Variants in KIF5C observed in about 807,000 individuals in gnomAD.
KIF5C encodes kinesin heavy chain isoform 5C.
In KIF5C, 18 loss-of-function variants were observed where a neutral mutation model predicts 125.2. The observed-to-expected ratio is 0.14, with a 90% CI of 0.10 to 0.21. KIF5C has a LOEUF of 0.21. Among genes scored for constraint, KIF5C ranks in the 10% least tolerant of loss-of-function variants. The probability of loss-of-function intolerance (pLI) is 1.00; values close to 1 mark genes in which losing one functional copy is unlikely to be tolerated. For synonymous variants in KIF5C, 405 were observed against 434.0 expected (o/e 0.93, Z 0.83); for missense variants, 780 against 1,183.8 (o/e 0.66, Z 5.01).
rs890416539 is a variant in KIF5C, at chr2:149,025,569, T to A, written c.*2499T>A. 3 of 152,228 alleles carry A rather than the reference T, an allele frequency of 2.0e-5. No individual in the cohort carries two copies. Among genetic ancestry groups the A allele is most frequent in the African/African-American group, 2.4e-5 (1 of 41,444 alleles). 9.4% of individuals were successfully genotyped at this position (152,228 alleles called of 1,614,324 possible). On this transcript the variant is annotated 3_prime_UTR_variant, in exon 26 of 26. Transcript: ENST00000435030. ...GAACAACTAAGCTCATGAATATGAT[T>A]TTGGTTATATGCAGCTTTTGACTAG...
intron 1 of KIF5C, among the ~76,000 whole-genome samples, chr2:148,887,919 G>A (rs534305349): frequency 2.0e-5 from 3 of 152,158 alleles, no homozygotes; most frequent in African/African-American, 7.2e-5. Context: ...GAAAAAGAAT[G>A]TGTGCTGGAG....
intron 1 of KIF5C, among the ~76,000 whole-genome samples, chr2:148,916,844 G>T (rs879890487): frequency 1.3e-5 from 2 of 152,148 alleles, no homozygotes; most frequent in Non-Finnish European, 2.9e-5. Flanking sequence ...TAGAGCACTG[G>T]ATAGGGAGGC....
intron 25 of KIF5C, 29 bp downstream of exon 25, chr2:149,011,712 T>C: frequency 6.2e-7 from 1 of 1,613,572 alleles, no homozygotes; most frequent in Non-Finnish European, 8.5e-7. Context: ...GTGGTTTCTC[T>C]ATCTGGAGGC....
Position 148,942,675 on chromosome 2 carries a change from G to T in KIF5C, c.504G>T (p.Gly168=). 6.2e-7 allele frequency: 1 copy of T among 1,609,366 alleles called. No homozygotes were observed. Among genetic ancestry groups the T allele is most frequent in the Non-Finnish European group, 8.5e-7 (1 of 1,178,128 alleles). ...AACCTGAACTGATTCTCTTCCAGGGGTGCACTGAGCGGTTTGTGTCGAGCC... is the reference window on the plus strand; with the variant it reads ...AACCTGAACTGATTCTCTTCCAGGGTTGCACTGAGCGGTTTGTGTCGAGCC... ...EDKNRVPYVK[G]CTERFVSSPE... The change falls in exon 7 of 26, where the codon GGG becomes GGT. Residue 168 remains glycine (G), a splice_region_variant and synonymous_variant. Coordinates refer to ENST00000435030, the MANE Select transcript of KIF5C (RefSeq NM_004522.3).
chr2:148,939,170 G>A (rs1007169605), intron 4 of KIF5C, among the ~76,000 whole-genome samples: 1 of 150,720 alleles, frequency 6.6e-6, no homozygotes, highest in African/African-American at 2.4e-5. Context: ...ACTAAGAATA[G>A]ACCCTAGGTC....
intron 1 of KIF5C, among the ~76,000 whole-genome samples, chr2:148,891,862 T>A (rs1314740257): frequency 6.6e-6 from 1 of 152,226 alleles, no homozygotes; most frequent in Admixed American, 6.5e-5. Context: ...CATGCCTGGC[T>A]AATTTTTGTA....
At chr2:148,916,099 C>T (rs911349986) in intron 1 of KIF5C, among the ~76,000 whole-genome samples, 6 of 152,140 alleles carry the variant, frequency 3.9e-5, no homozygotes, top group Admixed American at 2.0e-4. Flanking sequence ...GTTAGACTAG[C>T]CAGGCAGAGA....
At position 149,024,334 on chromosome 2, in the gene KIF5C, A is replaced by G. The variant is rs1048549052; in HGVS notation, c.*1264A>G. 5 of 152,448 alleles carry G rather than the reference A, an allele frequency of 3.3e-5. No homozygotes were observed. The highest frequency in any genetic ancestry group is 5.9e-5 in the Non-Finnish European group (4 of 68,020). The allele number at this position is 152,448 out of a possible 1,614,324, so 9.4% of individuals were successfully genotyped here. On this transcript the variant is annotated 3_prime_UTR_variant, in exon 26 of 26. Coordinates refer to ENST00000435030, the MANE Select transcript of KIF5C (RefSeq NM_004522.3). ...TGACTGTGCTGCTATTTGTTTTGAC[A>G]AATTTGGGGGTAAGTCAATGACAAC...
At position 148,879,134 on chromosome 2, in the gene KIF5C, A is replaced by G. The variant is rs539612872; in HGVS notation, c.126+3391A>G. ...TTTCCCCACTTTGAACTCCTATAGC[A>G]TTTGTTTTGTATATGATCTCCCAAG... On this transcript the variant is annotated intron_variant, in intron 1 of 25. Coordinates refer to ENST00000435030, the MANE Select transcript of KIF5C (RefSeq NM_004522.3). The G allele has an allele frequency of 9.2e-5, 14 of 152,174 alleles. No individual in the cohort carries two copies. In the East Asian group the frequency reaches 2.3e-3, roughly 25 times the overall value. 9.4% of individuals were successfully genotyped at this position (152,174 alleles called of 1,614,324 possible).
At chr2:148,933,449 C>T (rs1682219405) in intron 3 of KIF5C, among the ~76,000 whole-genome samples, 2 of 150,878 alleles carry the variant, frequency 1.3e-5, no homozygotes, top group Non-Finnish European at 3.0e-5. Context: ...CCACATTCCA[C>T]CCCCCCCACA....
chr2:148,975,217 G>A (rs1274371419), intron 12 of KIF5C, among the ~76,000 whole-genome samples: 1 of 152,190 alleles, frequency 6.6e-6, no homozygotes, highest in Non-Finnish European at 1.5e-5. Flanking sequence ...GGGCACCAGA[G>A]CTAATGGTTT....
chr2:148,888,038 C>T (rs1353383170), intron 1 of KIF5C, among the ~76,000 whole-genome samples: 1 of 152,202 alleles, frequency 6.6e-6, no homozygotes, highest in Non-Finnish European at 1.5e-5. Context: ...AAGCCATTTG[C>T]GGCAGCGGGT....
intron 24 of KIF5C, among the ~76,000 whole-genome samples, chr2:149,011,315 A>T (rs942512020): frequency 5.9e-5 from 9 of 152,180 alleles, no homozygotes; most frequent in Non-Finnish European, 1.3e-4. Context: ...TTTTTTTCTA[A>T]CTTTTCTTGG....
chr2:148,980,232 C>T (rs1246320596), intron 13 of KIF5C, among the ~76,000 whole-genome samples: 1 of 152,156 alleles, frequency 6.6e-6, no homozygotes, highest in Non-Finnish European at 1.5e-5. Flanking sequence ...TTTCGTTGAT[C>T]TCTCTCTCTT....
chr2:148,970,054 A>G (rs989293170), intron 11 of KIF5C, among the ~76,000 whole-genome samples: 5 of 152,328 alleles, frequency 3.3e-5, no homozygotes, highest in Middle Eastern at 3.4e-3. Flanking sequence ...GACCTTTAGA[A>G]TATAAACTGA....
At chr2:148,913,234 G>A (rs1454941483) in intron 1 of KIF5C, among the ~76,000 whole-genome samples, 1 of 152,178 alleles carries the variant, frequency 6.6e-6, no homozygotes, top group East Asian at 1.9e-4. Flanking sequence ...GATGCAATAT[G>A]GTGTTATGGG....
chr2:148,940,594 C>T (rs1296787658), intron 4 of KIF5C, among the ~76,000 whole-genome samples: 2 of 152,186 alleles, frequency 1.3e-5, no homozygotes, highest in Non-Finnish European at 2.9e-5. Context: ...GAGGTTTTAC[C>T]TGAGTAGTCA....
At chr2:148,939,177 G>A (rs983791022) in intron 4 of KIF5C, among the ~76,000 whole-genome samples, 1 of 151,308 alleles carries the variant, frequency 6.6e-6, no homozygotes, top group East Asian at 1.9e-4. Flanking sequence ...ATAGACCCTA[G>A]GTCTGACCAA....
chr2:149,010,372 GC>G (rs1270886438), intron 24 of KIF5C, 21 bp downstream of exon 24: 11 of 1,523,806 alleles, frequency 7.2e-6, no homozygotes, highest in Non-Finnish European at 9.7e-6. Context: ...GCACAGTGGC[GC>G]CCGGGGTTTG....
Sources: gnomAD v4.1 joint callset for allele counts (sites outside exome capture counted in the v4.1 genomes callset) on GRCh38, gnomAD v4.1.1 for gene constraint, MANE v1.5 for transcripts, NCBI Gene and HGNC (gene_info 2026-07-23, HGNC 2026-07-21) for gene names.